POFUT3: variants seen among roughly 807,000 people sequenced by gnomAD.
The protein encoded by POFUT3 is protein O-fucosyltransferase 3.
the POFUT3 span, among the ~76,000 whole-genome samples, chr8:33,463,553 C>CT: frequency 6.0e-5 from 9 of 150,782 alleles, no homozygotes; most frequent in Admixed American, 1.3e-4. Context: ...CCTTGATTTA[C>CT]TTTTTTTTTG....
the POFUT3 span, among the ~76,000 whole-genome samples, chr8:33,318,852 A>T: frequency 1.8e-5 from 1 of 56,296 alleles, no homozygotes; most frequent in African/African-American, 9.9e-5. Flanking sequence ...ATAATATATA[A>T]ATATATTTTA....
At chr8:33,442,053 G>A in the POFUT3 span, among the ~76,000 whole-genome samples, 1 of 151,476 alleles carries the variant, frequency 6.6e-6, no homozygotes, top group South Asian at 2.1e-4. Context: ...GGATTCAAGC[G>A]ATTCGCCTGC....
At chr8:33,442,919 T>C in the POFUT3 span, among the ~76,000 whole-genome samples, 2 of 152,160 alleles carry the variant, frequency 1.3e-5, no homozygotes, top group Non-Finnish European at 2.9e-5. Flanking sequence ...AGCCCCATAA[T>C]GTTTAGCAAC....
the POFUT3 span, among the ~76,000 whole-genome samples, chr8:33,437,780 A>G: frequency 6.6e-6 from 1 of 152,160 alleles, no homozygotes; most frequent in Non-Finnish European, 1.5e-5. Context: ...GCTGCACTCC[A>G]GCCTAGGTGA....
chr8:33,326,405 T>A, the POFUT3 span, among the ~76,000 whole-genome samples: 1 of 152,204 alleles, frequency 6.6e-6, no homozygotes, highest in Admixed American at 6.5e-5. Context: ...ATTTCAAATG[T>A]GACAAATATA....
At chr8:33,426,151 C>T in the POFUT3 span, among the ~76,000 whole-genome samples, 1 of 152,162 alleles carries the variant, frequency 6.6e-6, no homozygotes, top group African/African-American at 2.4e-5. Flanking sequence ...GTGATCCACC[C>T]ACCTCAGCCT....
the POFUT3 span, among the ~76,000 whole-genome samples, chr8:33,399,810 C>A: frequency 6.6e-6 from 1 of 151,932 alleles, no homozygotes; most frequent in Non-Finnish European, 1.5e-5. Flanking sequence ...TGCACCACCA[C>A]GCCCGGCTAA....
At chr8:33,442,683 C>T in the POFUT3 span, among the ~76,000 whole-genome samples, 1 of 151,008 alleles carries the variant, frequency 6.6e-6, no homozygotes, top group Non-Finnish European at 1.5e-5. Context: ...TGGTCTCGAA[C>T]TCTTGGGCTC....
the POFUT3 span, among the ~76,000 whole-genome samples, chr8:33,351,264 AT>A: frequency 1.3e-5 from 2 of 152,162 alleles, no homozygotes; most frequent in Non-Finnish European, 2.9e-5. Context: ...CCTAAAGCTC[AT>A]TTTTAAATAT....
At chr8:33,319,890 C>G in the POFUT3 span, among the ~76,000 whole-genome samples, 1 of 147,358 alleles carries the variant, frequency 6.8e-6, no homozygotes, top group Non-Finnish European at 1.5e-5. Context: ...GCTAGCTGCA[C>G]CTGGACTTGA....
At chr8:33,371,013 T>C in the POFUT3 span, 3 of 152,318 alleles carry the variant, frequency 2.0e-5, no homozygotes, top group South Asian at 4.1e-4. Flanking sequence ...CAAAATAGTT[T>C]GTTACCCTCT....
the POFUT3 span, chr8:33,453,512 T>C: frequency 6.3e-7 from 1 of 1,589,282 alleles, no homozygotes; most frequent in Non-Finnish European, 8.6e-7. Flanking sequence ...AACCATGACC[T>C]AAAAGAGAAG....
the POFUT3 span, among the ~76,000 whole-genome samples, chr8:33,359,789 T>C: frequency 6.6e-6 from 1 of 151,776 alleles, no homozygotes; most frequent in Admixed American, 6.6e-5. Context: ...GCAGATCACC[T>C]GAGGTCAGGA....
chr8:33,425,513 C>G, the POFUT3 span, among the ~76,000 whole-genome samples: 55 of 152,028 alleles, frequency 3.6e-4, 1 homozygote, highest in East Asian at 8.0e-3. Flanking sequence ...GGGGAAGCAG[C>G]TTGAATATAA....
the POFUT3 span, among the ~76,000 whole-genome samples, chr8:33,443,089 G>A: frequency 6.6e-5 from 10 of 152,086 alleles, no homozygotes; most frequent in Non-Finnish European, 1.0e-4. Flanking sequence ...CTGCGGCCTA[G>A]GTGACAGAGC....
At chr8:33,325,147 T>C in the POFUT3 span, among the ~76,000 whole-genome samples, 1 of 152,216 alleles carries the variant, frequency 6.6e-6, no homozygotes, top group Non-Finnish European at 1.5e-5. Context: ...TCTATCCTGG[T>C]GCCCACATCC....
At chr8:33,453,494 C>A in the POFUT3 span, 6 of 1,609,006 alleles carry the variant, frequency 3.7e-6, no homozygotes, top group African/African-American at 8.0e-5. Context: ...TTCAAACTTC[C>A]CCAGCTCAAC....
chr8:33,413,070 A>AT, the POFUT3 span, among the ~76,000 whole-genome samples: 1 of 152,112 alleles, frequency 6.6e-6, no homozygotes, highest in Non-Finnish European at 1.5e-5. Context: ...TGTTCATTTC[A>AT]TTTTTTTATT....
At chr8:33,455,746 GC>G in the POFUT3 span, 1 of 451,048 alleles carries the variant, frequency 2.2e-6, no homozygotes, top group Non-Finnish European at 4.4e-6. Flanking sequence ...CTCAGGTCCC[GC>G]TTTTAGCAGC....
Sources: allele counts gnomAD v4.1 joint callset (sites outside exome capture counted in the v4.1 genomes callset), GRCh38; gene constraint gnomAD v4.1.1; transcripts MANE v1.5; gene names NCBI Gene and HGNC (gene_info 2026-07-23, HGNC 2026-07-21).